FCGR3A: variants seen among roughly 807,000 people sequenced by gnomAD.
FCGR3A encodes the protein low affinity immunoglobulin gamma Fc region receptor III-A.
Under a neutral mutation model 24.1 loss-of-function variants are expected in FCGR3A, and 13 were observed. The observed-to-expected ratio is 0.54, with a 90% CI of 0.35 to 0.86. FCGR3A has a LOEUF of 0.86. FCGR3A is among the 40% of genes least tolerant of loss of function. The pLI is 0.01. For missense variants in FCGR3A, 235 were observed against 298.0 expected (o/e 0.79, Z 1.56); for synonymous variants, 93 against 112.2 (o/e 0.83, Z 1.08).
At chr1:161,544,982 C>A in intron 3 of FCGR3A, 24 bp from the exon 4 acceptor site, 2 of 1,595,778 alleles carry the variant, frequency 1.3e-6, no homozygotes, top group Non-Finnish European at 1.7e-6. Flanking sequence ...ACACCCCAGG[C>A]CCGGGAGGCC....
rs1677650125 is a variant in FCGR3A at position 161,549,687 on chromosome 1, C to T, written c.40+10G>A. 6.2e-7 allele frequency: 1 copy of T among 1,613,396 alleles called. No homozygotes were observed. The highest frequency in any genetic ancestry group is 1.3e-5 in the African/African-American group (1 of 74,816). Reference sequence around the variant, plus strand: ...AAACTTCTCCCTCAACCAGGGAGACCCTGACTTACCTAGAAGTAGCAGAGC... The same window carrying T: ...AAACTTCTCCCTCAACCAGGGAGACTCTGACTTACCTAGAAGTAGCAGAGC... On this transcript the variant is annotated intron_variant, in intron 1 of 4. Transcript: ENST00000443193.
upstream of FCGR3A, among the ~76,000 whole-genome samples, chr1:161,550,278 G>C (rs1179962123): frequency 6.6e-6 from 1 of 152,204 alleles, no homozygotes; most frequent in Non-Finnish European, 1.5e-5. Flanking sequence ...ACCACTAGCA[G>C]TGTCTCTGCC....
In FCGR3A at chr1:161,549,785, AG is replaced by A; in HGVS notation, c.-50del. On this transcript the variant is annotated 5_prime_UTR_variant, in exon 1 of 5. Coordinates refer to ENST00000443193, the MANE Select transcript of FCGR3A (RefSeq NM_000569.8). ...TCACCAAAGATATCCGGAGCCCTAAAGGGACCAAACCGACTAGACAGGAGGA... is the reference window on the plus strand; with the variant it reads ...TCACCAAAGATATCCGGAGCCCTAAAGGACCAAACCGACTAGACAGGAGGA... 1.2e-6 allele frequency: 2 copies of A among 1,613,916 alleles called. No individual in the cohort carries two copies. The highest frequency in any genetic ancestry group is 8.5e-7 in the Non-Finnish European group (1 of 1,179,898).
intron 4 of FCGR3A, among the ~76,000 whole-genome samples, chr1:161,543,915 G>T (rs1168711378): frequency 6.6e-6 from 1 of 152,238 alleles, no homozygotes; most frequent in African/African-American, 2.4e-5. Flanking sequence ...TGGTGCTACA[G>T]AACCTAGAGA....
In FCGR3A at chr1:161,542,985, G is replaced by T. The variant is rs533822244; in HGVS notation, c.*27C>A. The T allele has an allele frequency of 1.1e-5, 17 of 1,565,816 alleles. No individual in the cohort carries two copies. Among genetic ancestry groups the T allele is most frequent in the Middle Eastern group, 3.4e-4 (2 of 5,866 alleles). ...AATGTTCAGAGATGCTGCTGCTACT[G>T]CTCTTATTACCCCCATGGGATGGGG... On this transcript the variant is annotated 3_prime_UTR_variant, in exon 5 of 5. Coordinates refer to ENST00000443193, the MANE Select transcript of FCGR3A (RefSeq NM_000569.8).
rs1677179413 is a variant in FCGR3A at position 161,542,854 on chromosome 1, G to C, written c.*158C>G. 1.7e-6 allele frequency: 1 copy of C among 577,214 alleles called. No homozygotes were observed. The highest frequency in any genetic ancestry group is 1.9e-5 in the African/African-American group (1 of 53,538). The allele number at this position is 577,214 out of a possible 1,614,324, so 35.8% of individuals were successfully genotyped here. A position where few individuals can be genotyped will look rare whatever the true frequency, so the allele number is the denominator to read the frequency against. Reference sequence around the variant, plus strand: ...GATCATGGGCTTTTCCCTTCCACTGGAGACCAAGGAAAAGTCGAGAGTTGG... The same window carrying C: ...GATCATGGGCTTTTCCCTTCCACTGCAGACCAAGGAAAAGTCGAGAGTTGG... On this transcript the variant is annotated 3_prime_UTR_variant, in exon 5 of 5. Transcript: ENST00000443193.
rs1463191952 is a variant in FCGR3A, at chr1:161,541,885, C to A, written c.*1127G>T. On this transcript the variant is annotated 3_prime_UTR_variant, in exon 5 of 5. Coordinates refer to ENST00000443193, the MANE Select transcript of FCGR3A (RefSeq NM_000569.8). ...CTTAAAGCTTACAAAACAGAGACAG[C>A]TAAAGCTTTCTTTCATAAGCAACAA... The A allele has an allele frequency of 7.2e-5, 11 of 152,192 alleles. No individual in the cohort carries two copies. The highest frequency in any genetic ancestry group is 1.6e-4 in the Non-Finnish European group (11 of 68,006). 9.4% of individuals were successfully genotyped at this position (152,192 alleles called of 1,614,324 possible). A position where few individuals can be genotyped will look rare whatever the true frequency, so the allele number is the denominator to read the frequency against.
At chr1:161,549,634 G>T in intron 1 of FCGR3A, 63 bp downstream of exon 1, 2 of 1,601,332 alleles carry the variant, frequency 1.2e-6, no homozygotes, top group Non-Finnish European at 1.7e-6. Context: ...AGCCTGAAAA[G>T]GGGTCTCTGC....
At chr1:161,546,669 G>GCCGA (rs202059322) in intron 3 of FCGR3A, among the ~76,000 whole-genome samples, 1,771 of 152,024 alleles carry the variant, frequency 0.012, 25 homozygotes, top group Middle Eastern at 0.02. Flanking sequence ...ACTTTGGGAG[G>GCCGA]CCGAGGTGGG....
At chr1:161,546,614 A>G (rs1377388303) in intron 3 of FCGR3A, among the ~76,000 whole-genome samples, 2 of 152,044 alleles carry the variant, frequency 1.3e-5, no homozygotes, top group South Asian at 2.1e-4. Context: ...TGAAAGAAGT[A>G]AAAAATGCAG....
intron 3 of FCGR3A, among the ~76,000 whole-genome samples, chr1:161,546,947 A>G (rs1206595642): frequency 4.6e-5 from 7 of 151,992 alleles, no homozygotes; most frequent in South Asian, 2.1e-4. Context: ...AAACAAAAAA[A>G]GAAGTAAAAA....
chr1:161,543,682 C>T (rs1303126001), intron 4 of FCGR3A, among the ~76,000 whole-genome samples: 4 of 152,164 alleles, frequency 2.6e-5, no homozygotes, highest in Admixed American at 6.5e-5. Flanking sequence ...GCTTTATTTG[C>T]TCTCTTTCCC....
chr1:161,542,941 G>A lies in FCGR3A; in HGVS notation c.*71C>T, dbSNP rs7539036. ...GCTTGTAGAGAGGCCTGAGGATGAT[G>A]GGGTTGCAAATCCAGAGAAATGTTC... On this transcript the variant is annotated 3_prime_UTR_variant, in exon 5 of 5. Transcript: ENST00000443193. 125,501 of 1,209,478 alleles carry A rather than the reference G, an allele frequency of 0.1. 6,909 individuals are homozygous for A. Among genetic ancestry groups the A allele is most frequent in the South Asian group, 0.17 (11,786 of 68,726 alleles). 74.9% of individuals were successfully genotyped at this position (1,209,478 alleles called of 1,614,324 possible).
intron 3 of FCGR3A, among the ~76,000 whole-genome samples, chr1:161,547,954 C>T (rs1156641566): frequency 6.6e-6 from 1 of 152,300 alleles, no homozygotes; most frequent in Admixed American, 6.5e-5. Flanking sequence ...CCTGTAATCT[C>T]AGCTACTCGG....
intron 3 of FCGR3A, among the ~76,000 whole-genome samples, 172 bp from the exon 4 acceptor site, chr1:161,545,130 G>A (rs894666368): frequency 3.9e-5 from 6 of 152,136 alleles, no homozygotes; most frequent in African/African-American, 1.2e-4. Context: ...GAGAACTGAA[G>A]TCATACCAAG....
intron 2 of FCGR3A, 106 bp downstream of exon 2, chr1:161,548,905 C>G: frequency 8.0e-7 from 1 of 1,253,796 alleles, no homozygotes; most frequent in Non-Finnish European, 1.2e-6. Flanking sequence ...TCCCTGCTAA[C>G]CCCACATCAG....
chr1:161,549,181 C>T (rs371389552), intron 1 of FCGR3A, 150 bp from the exon 2 acceptor site: 30,402 of 697,738 alleles, frequency 0.044, 1,028 homozygotes, highest in Non-Finnish European at 0.049. Context: ...AACCTTGCTA[C>T]CTGCTCTCTG....
intron 3 of FCGR3A, among the ~76,000 whole-genome samples, chr1:161,548,142 A>G (rs1677523031): frequency 6.6e-6 from 1 of 152,298 alleles, no homozygotes; most frequent in Non-Finnish European, 1.5e-5. Flanking sequence ...CCATGGCCTA[A>G]CCTTCACATG....
At chr1:161,547,071 G>T (rs1433334110) in intron 3 of FCGR3A, among the ~76,000 whole-genome samples, 1 of 152,042 alleles carries the variant, frequency 6.6e-6, no homozygotes, top group African/African-American at 2.4e-5. Flanking sequence ...GCCTTGATTG[G>T]CTAGACTTCT....
Sources: gnomAD v4.1 joint callset for allele counts (sites outside exome capture counted in the v4.1 genomes callset) on GRCh38, gnomAD v4.1.1 for gene constraint, MANE v1.5 for transcripts, NCBI Gene and HGNC (gene_info 2026-07-23, HGNC 2026-07-21) for gene names.